ZNF845: variants seen among roughly 807,000 people sequenced by gnomAD.
ZNF845 encodes the protein zinc finger protein 845.
ZNF845 carries 59 observed loss-of-function variants against 76.1 expected under a neutral mutation model. That is an observed-to-expected ratio of 0.78 (90% CI 0.63 to 0.96). The LOEUF is 0.96. Ranked by LOEUF, ZNF845 falls within the 40% of genes least tolerant of loss-of-function variation. The pLI is 0.00. For synonymous variants in ZNF845, 361 were observed against 386.9 expected, an observed-to-expected ratio of 0.93 and a Z score of 0.78; for missense variants, 1,045 against 1,172.8, an observed-to-expected ratio of 0.89 and a Z score of 1.59.
intron 3 of ZNF845, among the ~76,000 whole-genome samples, chr19:53,347,161 C>T (rs1195417654): frequency 1.3e-5 from 2 of 152,196 alleles, no homozygotes; most frequent in Non-Finnish European, 2.9e-5. Context: ...GCTGGGATTA[C>T]AGGTGTGAAC....
At chr19:53,340,312 A>T (rs1317697143) in intron 1 of ZNF845, among the ~76,000 whole-genome samples, 1 of 152,208 alleles carries the variant, frequency 6.6e-6, no homozygotes, top group Non-Finnish European at 1.5e-5. Context: ...TTGGCCTCCC[A>T]ACGTGCTGGG....
chr19:53,356,000 C>A lies in ZNF845; in HGVS notation c.*2412C>A, dbSNP rs1352105605. 6.6e-6 allele frequency: 1 copy of A among 152,132 alleles called. No individual in the cohort carries two copies. The highest frequency in any genetic ancestry group is 2.4e-5 in the African/African-American group (1 of 41,438). The allele number at this position is 152,132 out of a possible 1,614,324, so 9.4% of individuals were successfully genotyped here. ...AGGTAGCACTTGGATGTTTACAATC[C>A]CTTTTTATATCCTCTTGAATACAGT... is the stretch of plus-strand genomic sequence containing the variant. On this transcript the variant is annotated 3_prime_UTR_variant, in exon 4 of 4. Coordinates refer to ENST00000458035, the MANE Select transcript of ZNF845 (RefSeq NM_138374.3).
chr19:53,337,037 ACTCCT>A (rs1418843388), intron 1 of ZNF845: 1 of 451,688 alleles, frequency 2.2e-6, no homozygotes, highest in African/African-American at 2.0e-5. Context: ...TGAAAGCCCA[ACTCCT>A]CACTGTGGCT....
chr19:53,351,614 C>T lies in ZNF845; in HGVS notation c.939C>T (p.Ala313=), dbSNP rs947265866. ...GCAAGACCTTCAGTCGAAATTCAGCCCTTGTAATTCATAAGGCAATTCATA... is the reference window on the plus strand; with the variant it reads ...GCAAGACCTTCAGTCGAAATTCAGCTCTTGTAATTCATAAGGCAATTCATA... ...ECGKTFSRNS[A]LVIHKAIHTG... Residue 313 remains alanine (A), a synonymous_variant, in exon 4 of 4, where the codon GCC becomes GCT. Transcript: ENST00000458035. 6.2e-7 allele frequency: 1 copy of T among 1,613,884 alleles called. No homozygotes were observed. Among genetic ancestry groups the T allele is most frequent in the Non-Finnish European group, 8.5e-7 (1 of 1,179,922 alleles).
intron 3 of ZNF845, among the ~76,000 whole-genome samples, chr19:53,349,285 TTC>T (rs1353291011): frequency 6.6e-6 from 1 of 151,998 alleles, no homozygotes; most frequent in Non-Finnish European, 1.5e-5. Context: ...GTGGCTTTTT[TTC>T]TGTTTTTTGT....
At position 53,356,253 on chromosome 19, in the gene ZNF845, T is replaced by A. The variant is rs1193166389; in HGVS notation, c.*2665T>A. The A allele has an allele frequency of 6.6e-6, 1 of 152,134 alleles. No individual in the cohort carries two copies. The highest frequency in any genetic ancestry group is 2.4e-5 in the African/African-American group (1 of 41,436). 9.4% of individuals were successfully genotyped at this position (152,134 alleles called of 1,614,324 possible). On this transcript the variant is annotated 3_prime_UTR_variant, in exon 4 of 4. Coordinates refer to ENST00000458035, the MANE Select transcript of ZNF845 (RefSeq NM_138374.3). ...ACAAGAAGAAACATCAAATTTACGA[T>A]GAGACCAGACGCAGTGGCTCAGGCC... is the stretch of plus-strand genomic sequence containing the variant.
In ZNF845 at chr19:53,352,245, A is replaced by C; in HGVS notation, c.1570A>C (p.Lys524Gln). Residue 524 changes from lysine to glutamine, a missense_variant, in exon 4 of 4, where the codon AAG becomes CAG. Transcript: ENST00000458035. Reference sequence around the variant, plus strand: ...AATTCATACTGGAGAGAAACTTTACAAGTGTAATGAATGTGGCAAGACCTT... The same window carrying C: ...AATTCATACTGGAGAGAAACTTTACCAGTGTAATGAATGTGGCAAGACCTT... ...RIIHTGEKLY[K>Q]CNECGKTFSR... is the part of the protein sequence containing the mutation. 2 of 1,613,828 alleles carry C rather than the reference A, an allele frequency of 1.2e-6. No individual in the cohort carries two copies. The highest frequency in any genetic ancestry group is 1.7e-6 in the Non-Finnish European group (2 of 1,179,888).
intron 3 of ZNF845, among the ~76,000 whole-genome samples, chr19:53,347,163 G>A (rs1488294550): frequency 6.6e-6 from 1 of 152,110 alleles, no homozygotes; most frequent in Non-Finnish European, 1.5e-5. Flanking sequence ...TGGGATTACA[G>A]GTGTGAACCA....
intron 1 of ZNF845, among the ~76,000 whole-genome samples, chr19:53,334,297 A>G (rs2085197336): frequency 6.6e-6 from 1 of 152,074 alleles, no homozygotes; most frequent in African/African-American, 2.4e-5. Flanking sequence ...CCCCTGGAAA[A>G]TGCGCTCCTC....
chr19:53,342,907 C>T (rs1298021472), intron 2 of ZNF845, among the ~76,000 whole-genome samples: 1 of 152,218 alleles, frequency 6.6e-6, no homozygotes, highest in Middle Eastern at 3.4e-3. Context: ...CAACCACTGC[C>T]TCCCAGGTTC....
chr19:53,337,493 G>C (rs979006493), intron 1 of ZNF845, among the ~76,000 whole-genome samples: 2 of 151,978 alleles, frequency 1.3e-5, no homozygotes, highest in African/African-American at 2.4e-5. Context: ...CAATTCTTCT[G>C]CCTCACCCTT....
At position 53,356,817 on chromosome 19, in the gene ZNF845, T is replaced by C. The variant is rs1334414512; in HGVS notation, c.*3229T>C. 2 of 148,684 alleles carry C rather than the reference T, an allele frequency of 1.3e-5. No homozygotes were observed. Among genetic ancestry groups the C allele is most frequent in the Admixed American group, 6.8e-5 (1 of 14,690 alleles). The allele number at this position is 148,684 out of a possible 1,614,324, so 9.2% of individuals were successfully genotyped here. On this transcript the variant is annotated 3_prime_UTR_variant, in exon 4 of 4. Transcript: ENST00000458035. Reference sequence around the variant, plus strand: ...GGTGGCAGGCACCTGTAGTCCCAGCTACTCGGGAGGTTGAGGCAGGAGAAT... The same window carrying C: ...GGTGGCAGGCACCTGTAGTCCCAGCCACTCGGGAGGTTGAGGCAGGAGAAT...
At chr19:53,347,964 C>T (rs554333660) in intron 3 of ZNF845, among the ~76,000 whole-genome samples, 17 of 152,164 alleles carry the variant, frequency 1.1e-4, no homozygotes, top group East Asian at 3.9e-4. Flanking sequence ...CTGAGACGGG[C>T]GGATCACCTG....
Position 53,352,901 on chromosome 19 carries a change from T to C in ZNF845, c.2226T>C (p.Thr742=). ...TTACATGCCATCTTAGACTTCATAC[T>C]GGAGAGAAACCTTACAAATGTGAAG... ...SSLTCHLRLH[T]GEKPYKCEEC... is the part of the protein sequence containing the mutation. Residue 742 remains threonine (T), a synonymous_variant, in exon 4 of 4, where the codon ACT becomes ACC. Coordinates refer to ENST00000458035, the MANE Select transcript of ZNF845 (RefSeq NM_138374.3). 2 of 1,614,032 alleles carry C rather than the reference T, an allele frequency of 1.2e-6. No homozygotes were observed. The highest frequency in any genetic ancestry group is 1.7e-6 in the Non-Finnish European group (2 of 1,180,010).
In ZNF845 at chr19:53,352,902, G is replaced by A; in HGVS notation, c.2227G>A (p.Gly743Arg). ...SLTCHLRLHTGEKPYKCEECD... is the reference protein window; with the variant it reads ...SLTCHLRLHTREKPYKCEECD... Reference sequence around the variant, plus strand: ...TACATGCCATCTTAGACTTCATACTGGAGAGAAACCTTACAAATGTGAAGA... The same window carrying A: ...TACATGCCATCTTAGACTTCATACTAGAGAGAAACCTTACAAATGTGAAGA... The change falls in exon 4 of 4, where the codon GGA (glycine) becomes AGA (arginine). Residue 743 changes from glycine (G) to arginine (R), a missense_variant. Gly to Arg is a moderately radical substitution (Grantham distance 125). Coordinates refer to ENST00000458035, the MANE Select transcript of ZNF845 (RefSeq NM_138374.3). 1 of 1,614,064 alleles carries A rather than the reference G, an allele frequency of 6.2e-7. No individual in the cohort carries two copies. The highest frequency in any genetic ancestry group is 2.2e-5 in the East Asian group (1 of 44,874).
chr19:53,335,455 G>A (rs1481161273), intron 1 of ZNF845, among the ~76,000 whole-genome samples: 1 of 151,936 alleles, frequency 6.6e-6, no homozygotes, highest in Non-Finnish European at 1.5e-5. Context: ...TGTAGAAATG[G>A]GGTTTCACTG....
intron 2 of ZNF845, among the ~76,000 whole-genome samples, chr19:53,344,667 G>T (rs1339567573): frequency 1.0e-5 from 1 of 97,940 alleles, no homozygotes; most frequent in East Asian, 3.4e-4. Context: ...TTTCACTCTT[G>T]TTGCCCATGC....
At chr19:53,334,761 T>G (rs2085201931) in intron 1 of ZNF845, among the ~76,000 whole-genome samples, 1 of 144,020 alleles carries the variant, frequency 6.9e-6, no homozygotes, top group African/African-American at 2.5e-5. Context: ...AAAAAAAAAT[T>G]TAACTGGGCG....
rs2085368213 is a variant in ZNF845, at chr19:53,354,263, TGA to T, written c.*677_*678del. 2 of 468,950 alleles carry T rather than the reference TGA, an allele frequency of 4.3e-6. No individual in the cohort carries two copies. Among genetic ancestry groups the T allele is most frequent in the South Asian group, 3.3e-5 (2 of 61,324 alleles). 29.0% of individuals were successfully genotyped at this position (468,950 alleles called of 1,614,324 possible). A position where few individuals can be genotyped will look rare whatever the true frequency, so the allele number is the denominator to read the frequency against. ...TTTGAGATGATTGTTCCAAATGCAA[TGA>T]GTATAGCAAACCATCAAGCATTAAT... On this transcript the variant is annotated 3_prime_UTR_variant, in exon 4 of 4. Coordinates refer to ENST00000458035, the MANE Select transcript of ZNF845 (RefSeq NM_138374.3).
Sources: gnomAD v4.1 joint callset for allele counts (sites outside exome capture counted in the v4.1 genomes callset) on GRCh38, gnomAD v4.1.1 for gene constraint, MANE v1.5 for transcripts, NCBI Gene and HGNC (gene_info 2026-07-23, HGNC 2026-07-21) for gene names.